The following ABI2 variants were observed in gnomAD, a reference collection of about 807,000 sequenced individuals.
ABI2 encodes abelson interactor 2.
ABI2 carries 25 observed loss-of-function variants against 59.2 expected under a neutral mutation model. The ratio of observed to expected loss-of-function variants is 0.42; its 90% confidence interval spans 0.31 to 0.59. The LOEUF (loss-of-function observed/expected upper bound fraction) is 0.59. ABI2 is among the 20% of genes least tolerant of loss of function. ABI2 has a pLI of 0.14. For synonymous variants in ABI2, 213 were observed against 235.5 expected, an observed-to-expected ratio of 0.90 and a Z score of 0.87; for missense variants, 545 against 681.8, an observed-to-expected ratio of 0.80 and a Z score of 2.23.
intron 11 of ABI2, among the ~76,000 whole-genome samples, chr2:203,425,591 T>C (rs2098404524): frequency 6.6e-6 from 1 of 152,266 alleles, no homozygotes; most frequent in South Asian, 2.1e-4. Context: ...CTAAATATTC[T>C]AAATTGTATT....
chr2:203,377,693 C>G (rs1034712872), intron 2 of ABI2, among the ~76,000 whole-genome samples: 1 of 152,164 alleles, frequency 6.6e-6, no homozygotes, highest in Non-Finnish European at 1.5e-5. Context: ...ATCACTTGAG[C>G]TTAGGAGTTC....
Position 203,413,483 on chromosome 2 carries a change from C to T in ABI2, c.1279+2112C>T, listed in dbSNP as rs2097762378. Among the ~76,000 whole-genome samples the T allele has an allele frequency of 2.0e-5, 3 of 152,214 alleles. No homozygotes were observed. In the South Asian group the frequency reaches 6.2e-4, roughly 32 times the overall value. ...GCAAAACATTATTATAGCAGCACTA[C>T]CTATATTTTAAAAAGTCATTCCCTA... On this transcript the variant is annotated intron_variant, in intron 10 of 11. Transcript: ENST00000261018.
chr2:203,394,805 T>C lies in ABI2; in HGVS notation c.684T>C (p.Pro228=), dbSNP rs2096907454. The change falls in exon 6 of 12, where the codon CCT becomes CCC. Residue 228 remains proline, a synonymous_variant. Transcript: ENST00000261018. ...TRNMAPSQQS[P]VRTASVNQRN... ...ATATGGCTCCCTCGCAGCAGAGCCCTGTGAGGACAGCTTCTGTGAATCAAA... is the reference window on the plus strand; with the variant it reads ...ATATGGCTCCCTCGCAGCAGAGCCCCGTGAGGACAGCTTCTGTGAATCAAA... 6.2e-7 allele frequency: 1 copy of C among 1,614,078 alleles called. No homozygotes were observed. Among genetic ancestry groups the C allele is most frequent in the African/African-American group, 1.3e-5 (1 of 74,926 alleles).
At chr2:203,336,886 CGAT>C (rs1255115442) in intron 1 of ABI2, among the ~76,000 whole-genome samples, 3 of 152,154 alleles carry the variant, frequency 2.0e-5, no homozygotes, top group African/African-American at 7.2e-5. Flanking sequence ...TTTCCAAAAA[CGAT>C]GGTACCGTTT....
intron 4 of ABI2, among the ~76,000 whole-genome samples, chr2:203,384,308 T>TTG (rs1559289589): frequency 8.8e-5 from 7 of 79,884 alleles, no homozygotes; most frequent in South Asian, 5.4e-4. Flanking sequence ...TTTTTTTTTT[T>TTG]TTTTTTTTTT....
chr2:203,400,988 T>C (rs1468258451), intron 8 of ABI2, among the ~76,000 whole-genome samples: 4 of 152,160 alleles, frequency 2.6e-5, no homozygotes, highest in African/African-American at 9.7e-5. Context: ...ATAAGTCTTA[T>C]CTCACTGTGT....
intron 1 of ABI2, among the ~76,000 whole-genome samples, chr2:203,359,014 A>C (rs1451878612): frequency 6.6e-6 from 1 of 152,158 alleles, no homozygotes; most frequent in Non-Finnish European, 1.5e-5. Flanking sequence ...TCTGTCTCAA[A>C]AAAACAAAAA....
At chr2:203,396,043 A>G (rs886850751) in intron 7 of ABI2, among the ~76,000 whole-genome samples, 1 of 152,196 alleles carries the variant, frequency 6.6e-6, no homozygotes, top group Admixed American at 6.6e-5. Flanking sequence ...TACAAGTTTA[A>G]TTCCAGCTAG....
rs753597590 is a variant in ABI2, at chr2:203,328,564, G to T, written c.50G>T (p.Arg17Leu). ...GAAGAGGAAATCCCGGGGGGCCGCC[G>T]GGCCCTCTTCGACAGCTACACAAAT... ...LLEEEIPGGRRALFDSYTNLE... is the reference protein window; with the variant it reads ...LLEEEIPGGRLALFDSYTNLE... Residue 17 changes from arginine (R) to leucine (L), a missense_variant, in exon 1 of 12, where the codon CGG becomes CTG. This residue lies in a region of ABI2 where 55 missense variants were observed against 59.7 expected (regional missense o/e 0.92). Coordinates refer to ENST00000261018, the MANE Select transcript of ABI2 (RefSeq NM_001375670.1). 9 of 1,605,790 alleles carry T rather than the reference G, an allele frequency of 5.6e-6. No individual in the cohort carries two copies. Among genetic ancestry groups the T allele is most frequent in the Non-Finnish European group, 7.7e-6 (9 of 1,176,378 alleles).
rs1362891427 is a variant in ABI2 at position 203,430,164 on chromosome 2, CTG to C, written c.*2815_*2816del. 1 of 152,106 alleles carries C rather than the reference CTG, an allele frequency of 6.6e-6. No individual in the cohort carries two copies. The highest frequency in any genetic ancestry group is 1.9e-4 in the East Asian group (1 of 5,204). 9.4% of individuals were successfully genotyped at this position (152,106 alleles called of 1,614,324 possible). A position where few individuals can be genotyped will look rare whatever the true frequency, so the allele number is the denominator to read the frequency against. On this transcript the variant is annotated 3_prime_UTR_variant, in exon 12 of 12. Coordinates refer to ENST00000261018, the MANE Select transcript of ABI2 (RefSeq NM_001375670.1). ...TCATAGATTGCATGCTATTAATCAT[CTG>C]TGAGGGTAGTATTTTTTGTTTTATT...
chr2:203,344,717 C>T (rs1408305742), intron 1 of ABI2, among the ~76,000 whole-genome samples: 1 of 152,068 alleles, frequency 6.6e-6, no homozygotes, highest in Non-Finnish European at 1.5e-5. Context: ...ACACACCAAA[C>T]AGTGCTCTGT....
At chr2:203,377,407 C>A (rs920042987) in intron 2 of ABI2, among the ~76,000 whole-genome samples, 13 of 149,988 alleles carry the variant, frequency 8.7e-5, no homozygotes, top group Non-Finnish European at 1.3e-4. Context: ...CTTATAGTTT[C>A]ATTTCTGAAT....
chr2:203,360,138 T>C lies in ABI2; in HGVS notation c.118-6739T>C, dbSNP rs13426676. Among the ~76,000 whole-genome samples, 906 of 135,614 alleles carry C rather than the reference T, an allele frequency of 6.7e-3. 10 individuals carry two copies. Among genetic ancestry groups the C allele is most frequent in the African/African-American group, 0.025 (877 of 35,584 alleles). 89.0% of individuals were successfully genotyped at this position (135,614 alleles called of 152,430 possible). A position where few individuals can be genotyped will look rare whatever the true frequency, so the allele number is the denominator to read the frequency against. On this transcript the variant is annotated intron_variant, in intron 1 of 11. Coordinates refer to ENST00000261018, the MANE Select transcript of ABI2 (RefSeq NM_001375670.1). ...AGGTGGAGGTTGCAGGGAGCTAAGA[T>C]TGCACCACTGCACTCTAGTCTGGGT...
Position 203,429,315 on chromosome 2 carries a change from A to AT in ABI2, c.*1964dup, listed in dbSNP as rs2098464463. The AT allele has an allele frequency of 6.6e-6, 1 of 152,242 alleles. No homozygotes were observed. The highest frequency in any genetic ancestry group is 1.5e-5 in the Non-Finnish European group (1 of 68,046). 9.4% of individuals were successfully genotyped at this position (152,242 alleles called of 1,614,324 possible). A position where few individuals can be genotyped will look rare whatever the true frequency, so the allele number is the denominator to read the frequency against. ...CTCCATTATGGACCCAAACTAGACT[A>AT]TACTTGGATAAGTTAAGCTCTTCTT... is the stretch of plus-strand genomic sequence containing the variant. On this transcript the variant is annotated 3_prime_UTR_variant, in exon 12 of 12. Transcript: ENST00000261018.
chr2:203,415,701 CAG>C (rs2097863306), intron 10 of ABI2, among the ~76,000 whole-genome samples: 1 of 150,622 alleles, frequency 6.6e-6, no homozygotes, highest in Admixed American at 6.6e-5. Context: ...TTGGATTGCT[CAG>C]AGAGTCACAT....
chr2:203,331,348 C>CTTTTTTTTTTTTT (rs201209202), intron 1 of ABI2, among the ~76,000 whole-genome samples: 20 of 85,300 alleles, frequency 2.3e-4, no homozygotes, highest in Non-Finnish European at 2.9e-4. Flanking sequence ...TCAATTTAGC[C>CTTTTTTTTTTTTT]TTTTTTTTTT....
chr2:203,333,102 ATCAG>A (rs1409924315), intron 1 of ABI2, among the ~76,000 whole-genome samples: 5 of 152,188 alleles, frequency 3.3e-5, no homozygotes, highest in Admixed American at 2.0e-4. Context: ...AGGGAATATT[ATCAG>A]TCAGTTTCAT....
intron 9 of ABI2, among the ~76,000 whole-genome samples, chr2:203,406,822 C>T (rs2097445488): frequency 6.6e-6 from 1 of 152,094 alleles, no homozygotes; most frequent in South Asian, 2.1e-4. Flanking sequence ...TGCCACCACG[C>T]CTGGCTCTTT....
At chr2:203,378,107 TCTTTTC>T (rs1291582378) in intron 2 of ABI2, among the ~76,000 whole-genome samples, 1 of 151,748 alleles carries the variant, frequency 6.6e-6, no homozygotes, top group African/African-American at 2.4e-5. Context: ...TTTTTCTTTT[TCTTTTC>T]TTTTCTTTTT....
Sources: gnomAD v4.1 joint callset for allele counts (sites outside exome capture counted in the v4.1 genomes callset) on GRCh38, gnomAD v4.1.1 for gene constraint, gnomAD v4.1.1 regional missense constraint, MANE v1.5 for transcripts, NCBI Gene and HGNC (gene_info 2026-07-23, HGNC 2026-07-21) for gene names.